The following CBLB variants were observed in gnomAD, a reference collection of about 807,000 sequenced individuals.
CBLB encodes the protein Cbl proto-oncogene B.
A neutral mutation model predicts 104.9 loss-of-function variants in CBLB; 31 were observed. That is an observed-to-expected ratio of 0.30 (90% CI 0.22 to 0.40). The LOEUF is 0.40. Among genes scored for constraint, CBLB ranks in the 10% least tolerant of loss-of-function variants. CBLB has a pLI of 1.00. For synonymous variants in CBLB, 440 were observed against 422.6 expected (o/e 1.04, Z -0.51); for missense variants, 1,062 against 1,214.6 (o/e 0.87, Z 1.87).
chr3:105,681,622 CACAAA>C lies in CBLB; in HGVS notation c.2297-17_2297-13del, dbSNP rs772606984. 72 of 1,614,060 alleles carry C rather than the reference CACAAA, an allele frequency of 4.5e-5. 2 individuals are homozygous for C. In the South Asian group the frequency reaches 7.8e-4, roughly 17 times the overall value. On this transcript the variant is annotated splice_polypyrimidine_tract_variant and intron_variant, in intron 15 of 18. Coordinates refer to ENST00000394030, the MANE Select transcript of CBLB (RefSeq NM_170662.5). ...ATCAAAAACATCTCCTAGAGGATAA[CACAAA>C]ACCTTAATGTATTTTCAGTACAATG...
intron 3 of CBLB, among the ~76,000 whole-genome samples, chr3:105,815,249 TAC>T (rs1224387531): frequency 4.6e-5 from 7 of 152,194 alleles, no homozygotes; most frequent in Non-Finnish European, 8.8e-5. Context: ...CACCTGTAGG[TAC>T]CTACTCTTTA....
intron 5 of CBLB, among the ~76,000 whole-genome samples, chr3:105,747,262 A>C (rs933784845): frequency 1.3e-5 from 2 of 151,754 alleles, no homozygotes; most frequent in African/African-American, 2.4e-5. Context: ...TCTACATAAA[A>C]GAAAAAAAAA....
At chr3:105,801,932 A>G (rs979694563) in intron 3 of CBLB, among the ~76,000 whole-genome samples, 19 of 152,234 alleles carry the variant, frequency 1.2e-4, no homozygotes, top group African/African-American at 4.6e-4. Context: ...AAGATGAGGA[A>G]GTTGCCTGGA....
rs1197538501 is a variant in CBLB, at chr3:105,720,070, T to G, written c.1384A>C (p.Asn462His). The G allele has an allele frequency of 3.7e-6, 6 of 1,613,920 alleles. No homozygotes were observed. The highest frequency in any genetic ancestry group is 5.1e-6 in the Non-Finnish European group (6 of 1,179,850). Residue 462 changes from asparagine (N) to histidine (H), a missense_variant, in exon 10 of 19, where the codon AAT (asparagine) becomes CAT (histidine). By Grantham distance (68) the Asn-to-His change is moderately conservative. Coordinates refer to ENST00000394030, the MANE Select transcript of CBLB (RefSeq NM_170662.5). ...DDDREESLMMNRLANVRKCTD... is the reference protein window; with the variant it reads ...DDDREESLMMHRLANVRKCTD... ...ACCTTTCGGACGTTTGCCAACCGAT[T>G]CATCATCAAGGACTCCTCACGATCA...
intron 17 of CBLB, chr3:105,671,648 T>C (rs2065072743): frequency 1.5e-5 from 3 of 205,042 alleles, no homozygotes; most frequent in East Asian, 1.5e-4. Context: ...GATGAAAACA[T>C]AGGCTTAAAT....
intron 13 of CBLB, 40 bp downstream of exon 13, chr3:105,693,454 G>T (rs760681125): frequency 7.6e-7 from 1 of 1,309,840 alleles, no homozygotes; most frequent in South Asian, 1.2e-5. Context: ...ACCATATCTT[G>T]ATGCATAGAC....
At chr3:105,767,538 T>A (rs2078356426) in intron 4 of CBLB, among the ~76,000 whole-genome samples, 1 of 137,978 alleles carries the variant, frequency 7.2e-6, no homozygotes, top group Non-Finnish European at 1.5e-5. Context: ...CATAAAATAA[T>A]TTTTAAAATT....
At chr3:105,869,375 G>A (rs983355100), upstream of CBLB, 21 of 1,342,776 alleles carry the variant, frequency 1.6e-5, no homozygotes, top group Middle Eastern at 2.0e-4. Context: ...GTCGGGACCG[G>A]GAGCCAAAGC....
intron 6 of CBLB, among the ~76,000 whole-genome samples, chr3:105,741,544 C>T (rs60295307): frequency 0.12 from 17,976 of 152,000 alleles, 1,345 homozygotes; most frequent in East Asian, 0.44. Context: ...CACAGGTGCC[C>T]GCCACCACAC....
intron 9 of CBLB, among the ~76,000 whole-genome samples, chr3:105,728,618 G>A (rs771130510): frequency 1.8e-4 from 28 of 152,130 alleles, no homozygotes; most frequent in African/African-American, 6.0e-4. Context: ...CCATTAACAC[G>A]TGGATGTGAA....
At chr3:105,832,021 A>T (rs562397956) in intron 3 of CBLB, among the ~76,000 whole-genome samples, 56 of 152,218 alleles carry the variant, frequency 3.7e-4, no homozygotes, top group Admixed American at 1.3e-3. Context: ...ATACAACAGG[A>T]AATTTTAAAA....
intron 9 of CBLB, chr3:105,724,253 G>C (rs558948004): frequency 4.1e-4 from 65 of 160,282 alleles, no homozygotes; most frequent in Admixed American, 1.3e-3. Context: ...AAATGCCCCA[G>C]AGCAGGAGAG....
intron 5 of CBLB, among the ~76,000 whole-genome samples, chr3:105,747,535 C>T (rs1352817649): frequency 6.6e-6 from 1 of 151,962 alleles, no homozygotes; most frequent in Non-Finnish European, 1.5e-5. Flanking sequence ...CACTAAAATA[C>T]CTAATTGGGC....
At chr3:105,693,377 T>A (rs2067957697) in intron 13 of CBLB, 117 bp downstream of exon 13, 5 of 701,732 alleles carry the variant, frequency 7.1e-6, no homozygotes, top group African/African-American at 1.8e-5. Context: ...TACAGCTGGC[T>A]GTTTACTATC....
At chr3:105,837,171 C>A (rs963211946) in intron 3 of CBLB, among the ~76,000 whole-genome samples, 3 of 152,176 alleles carry the variant, frequency 2.0e-5, no homozygotes, top group Non-Finnish European at 4.4e-5. Flanking sequence ...ACAATTCCCA[C>A]AATAAGACTT....
chr3:105,844,305 G>C (rs1279510056), intron 3 of CBLB, among the ~76,000 whole-genome samples: 1 of 152,216 alleles, frequency 6.6e-6, no homozygotes, highest in East Asian at 1.9e-4. Context: ...AAGCCACCCA[G>C]TATGTGGTAC....
chr3:105,808,664 C>T (rs1001136321), intron 3 of CBLB, among the ~76,000 whole-genome samples: 1 of 152,012 alleles, frequency 6.6e-6, no homozygotes, highest in Non-Finnish European at 1.5e-5. Flanking sequence ...TTTGAGCCAC[C>T]AACAGAAATA....
chr3:105,803,882 C>A (rs937708330), intron 3 of CBLB, among the ~76,000 whole-genome samples: 2 of 152,108 alleles, frequency 1.3e-5, no homozygotes, highest in African/African-American at 4.8e-5. Flanking sequence ...CAACTGGAAA[C>A]AGTTCATGAA....
intron 3 of CBLB, among the ~76,000 whole-genome samples, chr3:105,850,249 A>T (rs1418943060): frequency 6.6e-6 from 1 of 152,050 alleles, no homozygotes; most frequent in East Asian, 1.9e-4. Context: ...CACCTGGAAG[A>T]GGGTTTTTTA....
Sources: gnomAD v4.1 joint callset for allele counts (sites outside exome capture counted in the v4.1 genomes callset) on GRCh38, gnomAD v4.1.1 for gene constraint, MANE v1.5 for transcripts, NCBI Gene and HGNC (gene_info 2026-07-23, HGNC 2026-07-21) for gene names.